KAZN: variants seen among roughly 807,000 people sequenced by gnomAD.
The protein encoded by KAZN is kazrin.
A neutral mutation model predicts 87.4 loss-of-function variants in KAZN; 40 were observed. The observed-to-expected ratio is 0.46, with a 90% confidence interval of 0.36 to 0.60. KAZN has a LOEUF of 0.60. KAZN is among the 20% of genes least tolerant of loss of function. The pLI is 0.00. For missense variants in KAZN, 898 were observed against 1,073.9 expected (o/e 0.84, Z 2.29); for synonymous variants, 466 against 458.3 (o/e 1.02, Z -0.22).
chr1:14,493,098 A>C (rs1669766702), intron 2 of KAZN, among the ~76,000 whole-genome samples: 1 of 151,390 alleles, frequency 6.6e-6, no homozygotes, highest in Admixed American at 6.6e-5. Flanking sequence ...TTTCTGGACC[A>C]CCTCTCTAGG....
chr1:14,450,211 T>G (rs1667196613), intron 2 of KAZN, among the ~76,000 whole-genome samples: 1 of 152,270 alleles, frequency 6.6e-6, no homozygotes, highest in East Asian at 1.9e-4. Flanking sequence ...GCTTCACATT[T>G]AATTTCTGTT....
rs375308992 is a variant in KAZN, at chr1:15,094,184, G to A, written c.1227G>A (p.Ser409=). 5.8e-5 allele frequency: 94 copies of A among 1,612,762 alleles called. No homozygotes were observed. The highest frequency in any genetic ancestry group is 8.0e-5 in the African/African-American group (6 of 75,002). ...KSLDPGLFDD[S]DSQCSPTRQS... is the part of the protein sequence containing the mutation. ...GCCTGCACTTGTGTGTTGCAGACTC[G>A]GACAGCCAGTGCAGCCCCACGCGGC... The change falls in exon 9 of 15, where the codon TCG becomes TCA. Residue 409 remains serine (S), a synonymous_variant. Transcript: ENST00000376030. This position sits in a 1 kb window ranked among gnomAD's most constrained non-coding sequence, Gnocchi z 4.5.
Position 14,870,375 on chromosome 1 carries a change from C to A in KAZN, c.227-90309C>A, listed in dbSNP as rs77853309. Among the ~76,000 whole-genome samples, 1,713 of 152,272 alleles carry A rather than the reference C, an allele frequency of 0.011. 105 individuals carry two copies. In the East Asian group the frequency reaches 0.18, roughly 16 times the overall value. ...GTGTTTGTATTGAGACAGAGTTTTG[C>A]TCTGTCGCCCAGGCTGGAGTGCAAT... On this transcript the variant is annotated intron_variant, in intron 1 of 14. Coordinates refer to ENST00000376030, the MANE Select transcript of KAZN (RefSeq NM_201628.3).
chr1:14,873,676 A>G (rs1303219826), intron 1 of KAZN, among the ~76,000 whole-genome samples: 1 of 152,124 alleles, frequency 6.6e-6, no homozygotes, highest in Non-Finnish European at 1.5e-5. Flanking sequence ...AAGAGGAGGG[A>G]TTGGATCTGA....
intron 2 of KAZN, among the ~76,000 whole-genome samples, chr1:14,438,049 C>T (rs1005528926): frequency 1.3e-5 from 2 of 150,622 alleles, no homozygotes; most frequent in Non-Finnish European, 2.9e-5. Flanking sequence ...CTCCTTCTGC[C>T]ACCAGTTAAA....
intron 8 of KAZN, among the ~76,000 whole-genome samples, chr1:15,080,510 A>T (rs1457673286): frequency 6.6e-6 from 1 of 152,084 alleles, no homozygotes; most frequent in Non-Finnish European, 1.5e-5. Context: ...GATGCTCTTC[A>T]CACCCACGCT....
chr1:13,978,569 T>G (rs1172895947), intron 1 of KAZN, among the ~76,000 whole-genome samples: 1 of 151,336 alleles, frequency 6.6e-6, no homozygotes, highest in Non-Finnish European at 1.5e-5. Context: ...AACAGAGAGG[T>G]TTAAAAGTAG....
At chr1:13,973,266 C>G (rs1642197666) in intron 1 of KAZN, among the ~76,000 whole-genome samples, 1 of 152,220 alleles carries the variant, frequency 6.6e-6, no homozygotes, top group Non-Finnish European at 1.5e-5. Flanking sequence ...CACCACTGTG[C>G]TGGGTATTTC....
rs75903715 is a variant in KAZN at position 14,687,446 on chromosome 1, T to C, written c.226+88223T>C. On this transcript the variant is annotated intron_variant, in intron 1 of 14. Coordinates refer to ENST00000376030, the MANE Select transcript of KAZN (RefSeq NM_201628.3). ...AAGGGAGGTGTAGTAAAGAAGGATA[T>C]GCATAGGTGGTCACAAGGGAACTGA... 1.2e-4 allele frequency among the ~76,000 whole-genome samples: 19 copies of C among 152,218 alleles called. No homozygotes were observed. In the East Asian group the frequency reaches 3.5e-3, roughly 28 times the overall value.
chr1:14,748,503 G>A (rs181258595), intron 1 of KAZN, among the ~76,000 whole-genome samples: 19 of 152,242 alleles, frequency 1.2e-4, no homozygotes, highest in South Asian at 2.1e-4. Flanking sequence ...TGCCTCCGTC[G>A]TCTCATCCGT....
chr1:14,354,173 T>TA (rs1396376852), intron 2 of KAZN, among the ~76,000 whole-genome samples: 3 of 151,964 alleles, frequency 2.0e-5, no homozygotes, highest in Non-Finnish European at 4.4e-5. Flanking sequence ...AACAACTGGA[T>TA]AAAAAAACTG....
chr1:14,153,220 A>G (rs765256215), intron 1 of KAZN, among the ~76,000 whole-genome samples: 7 of 152,076 alleles, frequency 4.6e-5, no homozygotes, highest in Non-Finnish European at 1.0e-4. Flanking sequence ...ATATGTCCAT[A>G]TTTGCTTTGG....
chr1:14,649,210 G>C (rs1440396026), intron 1 of KAZN, among the ~76,000 whole-genome samples: 2 of 152,214 alleles, frequency 1.3e-5, no homozygotes, highest in African/African-American at 4.8e-5. Context: ...TGGCTAAGGA[G>C]CTCTGATTCA....
intron 2 of KAZN, among the ~76,000 whole-genome samples, chr1:15,027,067 C>CTGCTTTT (rs1671236055): frequency 1.6e-5 from 1 of 62,210 alleles, no homozygotes; most frequent in African/African-American, 5.3e-5. Flanking sequence ...CAAGCCAGTG[C>CTGCTTTT]TTCTTTTTTT....
At chr1:14,181,562 A>C (rs1646199108) in intron 2 of KAZN, among the ~76,000 whole-genome samples, 1 of 152,144 alleles carries the variant, frequency 6.6e-6, no homozygotes, top group Non-Finnish European at 1.5e-5. Flanking sequence ...CTCACCTGTC[A>C]ATGCCTGAAG....
At chr1:14,397,405 TC>T (rs1199517820) in intron 2 of KAZN, among the ~76,000 whole-genome samples, 1 of 152,180 alleles carries the variant, frequency 6.6e-6, no homozygotes, top group Admixed American at 6.5e-5. Flanking sequence ...CTCTTCTTTT[TC>T]ATGTAAGGAC....
chr1:14,921,191 C>T (rs1299580352), intron 1 of KAZN, among the ~76,000 whole-genome samples: 1 of 148,876 alleles, frequency 6.7e-6, no homozygotes, highest in Non-Finnish European at 1.5e-5. Context: ...CACACACATT[C>T]ACACAGAGCC....
chr1:14,136,187 T>C (rs1457280228), intron 1 of KAZN, among the ~76,000 whole-genome samples: 1 of 152,134 alleles, frequency 6.6e-6, no homozygotes, highest in Admixed American at 6.6e-5. Context: ...ATTTGGTTTG[T>C]ACTGAATCTC....
chr1:14,244,964 G>C (rs2100590117), intron 2 of KAZN, among the ~76,000 whole-genome samples: 1 of 152,020 alleles, frequency 6.6e-6, no homozygotes, highest in South Asian at 2.1e-4. Flanking sequence ...ATTTTGTCTT[G>C]TTTTTTGTTT....
Sources: gnomAD v4.1 joint callset for allele counts (sites outside exome capture counted in the v4.1 genomes callset) on GRCh38, gnomAD v4.1.1 for gene constraint, Gnocchi (gnomAD v3.1) non-coding constraint, MANE v1.5 for transcripts, NCBI Gene and HGNC (gene_info 2026-07-23, HGNC 2026-07-21) for gene names.